The following CARMIL1 variants were observed in gnomAD, a reference collection of about 807,000 sequenced individuals.
CARMIL1 encodes the protein F-actin-uncapping protein LRRC16A.
A neutral mutation model predicts 177.1 loss-of-function variants in CARMIL1; 90 were observed. The observed-to-expected ratio is 0.51, with a 90% confidence interval of 0.43 to 0.61. The LOEUF (loss-of-function observed/expected upper bound fraction) is 0.61, where lower values mean the gene tolerates loss of function less well. CARMIL1 is among the 20% of genes least tolerant of loss of function. CARMIL1 has a pLI of 0.00. For missense variants in CARMIL1, 1,380 were observed against 1,667.0 expected, an observed-to-expected ratio of 0.83 and a Z score of 3.00; for synonymous variants, 577 against 606.2, an observed-to-expected ratio of 0.95 and a Z score of 0.71.
chr6:25,308,653 T>C (rs1247268600), intron 2 of CARMIL1, among the ~76,000 whole-genome samples: 1 of 151,460 alleles, frequency 6.6e-6, no homozygotes, highest in East Asian at 1.9e-4. Flanking sequence ...AGTGCTGGGA[T>C]TACAGGCGTG....
intron 2 of CARMIL1, among the ~76,000 whole-genome samples, chr6:25,419,042 C>T (rs1795613537): frequency 6.6e-6 from 1 of 152,146 alleles, no homozygotes; most frequent in Admixed American, 6.6e-5. Context: ...TAAAGCACGC[C>T]ACAGGGGCAC....
chr6:25,526,455 C>A (rs1807147902), intron 23 of CARMIL1, among the ~76,000 whole-genome samples: 1 of 151,620 alleles, frequency 6.6e-6, no homozygotes. Flanking sequence ...TTATTGGTTT[C>A]TTTTCTCTCC....
chr6:25,503,845 A>G (rs1804660375), intron 17 of CARMIL1, among the ~76,000 whole-genome samples: 2 of 152,136 alleles, frequency 1.3e-5, no homozygotes, highest in Admixed American at 6.5e-5. Flanking sequence ...AGGAGCTGGC[A>G]GACCTAGGAT....
chr6:25,551,068 T>C lies in CARMIL1; in HGVS notation c.2487T>C (p.Asp829=). Residue 829 remains aspartate, a synonymous_variant, in exon 27 of 37, where the codon GAT becomes GAC. Coordinates refer to ENST00000329474, the MANE Select transcript of CARMIL1 (RefSeq NM_017640.6). ...TCCTGTTGGAGCAGTCTGGAATTGA[T>C]ATCCTTAACAAAATTAGGTAGGTTT... ...KNVLLEQSGI[D]ILNKISEVKL... 6.2e-7 allele frequency: 1 copy of C among 1,612,738 alleles called. No individual in the cohort carries two copies. Among genetic ancestry groups the C allele is most frequent in the Non-Finnish European group, 8.5e-7 (1 of 1,179,324 alleles).
At chr6:25,323,775 A>G (rs2150247735) in intron 2 of CARMIL1, among the ~76,000 whole-genome samples, 1 of 152,342 alleles carries the variant, frequency 6.6e-6, no homozygotes, top group Non-Finnish European at 1.5e-5. Flanking sequence ...TGTTCCATTC[A>G]TCATCTTCAC....
intron 31 of CARMIL1, among the ~76,000 whole-genome samples, chr6:25,591,403 T>C (rs904241478): frequency 6.6e-6 from 1 of 152,222 alleles, no homozygotes; most frequent in Non-Finnish European, 1.5e-5. Flanking sequence ...ATTTTATTTG[T>C]AAAAGCCTTT....
chr6:25,517,440 C>T (rs755899499), intron 22 of CARMIL1, 25 bp downstream of exon 22: 4 of 1,596,658 alleles, frequency 2.5e-6, no homozygotes, highest in Non-Finnish European at 3.4e-6. Context: ...GGATTTCTTT[C>T]TAGGAAAATA....
chr6:25,438,264 T>C (rs1013805245), intron 5 of CARMIL1, among the ~76,000 whole-genome samples: 4 of 152,216 alleles, frequency 2.6e-5, no homozygotes, highest in Admixed American at 2.6e-4. Context: ...CATACACTTA[T>C]ATATTCCATG....
rs1407429285 is a variant in CARMIL1, at chr6:25,577,917, C to CT, written c.2743-3006dup. 2.0e-5 allele frequency among the ~76,000 whole-genome samples: 3 copies of CT among 152,092 alleles called. No homozygotes were observed. Among genetic ancestry groups the CT allele is most frequent in the African/African-American group, 7.2e-5 (3 of 41,420 alleles). Reference sequence around the variant, plus strand: ...TGTGATGTTAGGACAAGAAAGAAGTCTGTGTTTAAGATTTTCCTGCTAAAA... The same window carrying CT: ...TGTGATGTTAGGACAAGAAAGAAGTCTTGTGTTTAAGATTTTCCTGCTAAAA... On this transcript the variant is annotated intron_variant, in intron 29 of 36. Transcript: ENST00000329474. This position sits in a 1 kb window ranked among gnomAD's most constrained non-coding sequence, Gnocchi z 4.5.
chr6:25,324,430 AC>A (rs887739276), intron 2 of CARMIL1, among the ~76,000 whole-genome samples: 4 of 151,742 alleles, frequency 2.6e-5, no homozygotes, highest in African/African-American at 9.7e-5. Flanking sequence ...GATATTAAAC[AC>A]CCTGATCAGA....
intron 8 of CARMIL1, among the ~76,000 whole-genome samples, chr6:25,459,210 T>TTTC (rs1799794292): frequency 5.0e-5 from 4 of 80,178 alleles, no homozygotes; most frequent in South Asian, 5.4e-4. Flanking sequence ...GATCCCAACT[T>TTTC]TTTCTTTCTT....
intron 2 of CARMIL1, among the ~76,000 whole-genome samples, chr6:25,332,338 A>G (rs1208372759): frequency 6.6e-6 from 1 of 152,198 alleles, no homozygotes; most frequent in Non-Finnish European, 1.5e-5. Context: ...GCTGTAGTGA[A>G]TAAGATGGGT....
chr6:25,436,662 A>G (rs945046161), intron 5 of CARMIL1, among the ~76,000 whole-genome samples: 5 of 152,292 alleles, frequency 3.3e-5, no homozygotes, highest in Non-Finnish European at 2.9e-5. Flanking sequence ...AGCCCTTCGC[A>G]GGGCTCTCTC....
chr6:25,444,509 T>C (rs1239290202), intron 5 of CARMIL1, among the ~76,000 whole-genome samples: 1 of 152,126 alleles, frequency 6.6e-6, no homozygotes, highest in African/African-American at 2.4e-5. Context: ...TTTCTCCTAA[T>C]ACTATCCCTC....
intron 2 of CARMIL1, among the ~76,000 whole-genome samples, chr6:25,419,800 A>C (rs188640356): frequency 6.6e-6 from 1 of 152,298 alleles, no homozygotes; most frequent in East Asian, 1.9e-4. Context: ...TATGTATCTT[A>C]TGCATTTTAG....
chr6:25,291,843 A>G (rs559220198), intron 2 of CARMIL1, among the ~76,000 whole-genome samples: 22 of 152,224 alleles, frequency 1.4e-4, no homozygotes, highest in Non-Finnish European at 2.8e-4. Context: ...CCGATTCACC[A>G]GTTAAGCAGT....
At chr6:25,499,347 CATCTT>C (rs970178369) in intron 16 of CARMIL1, among the ~76,000 whole-genome samples, 1 of 152,182 alleles carries the variant, frequency 6.6e-6, no homozygotes, top group Admixed American at 6.5e-5. Context: ...GAGCAGGAAC[CATCTT>C]ATGTTCATCT....
intron 5 of CARMIL1, among the ~76,000 whole-genome samples, chr6:25,449,358 A>G (rs1798561988): frequency 6.6e-6 from 1 of 152,204 alleles, no homozygotes; most frequent in Non-Finnish European, 1.5e-5. Context: ...ATGTGTGGGC[A>G]TGAACTTTGT....
intron 3 of CARMIL1, among the ~76,000 whole-genome samples, chr6:25,423,798 A>G (rs1796064747): frequency 6.6e-6 from 1 of 152,116 alleles, no homozygotes; most frequent in Non-Finnish European, 1.5e-5. Flanking sequence ...TAATTCACTA[A>G]TTTCTGTGGT....
Sources: allele counts gnomAD v4.1 joint callset (sites outside exome capture counted in the v4.1 genomes callset), GRCh38; gene constraint gnomAD v4.1.1; non-coding constraint Gnocchi (gnomAD v3.1); transcripts MANE v1.5; gene names NCBI Gene and HGNC (gene_info 2026-07-23, HGNC 2026-07-21).